Variants in HYDIN observed in about 807,000 individuals in gnomAD.
HYDIN encodes the protein HYDIN axonemal central pair apparatus protein, also known as axonemal central pair apparatus protein HYDIN.
A neutral mutation model predicts 403.9 loss-of-function variants in HYDIN; 132 were observed. The ratio of observed to expected loss-of-function variants is 0.33; its 90% CI spans 0.28 to 0.38. The LOEUF (loss-of-function observed/expected upper bound fraction) is 0.38, where lower values mean the gene tolerates loss of function less well. HYDIN is among the 10% of genes least tolerant of loss of function. The pLI, the probability that HYDIN is intolerant of heterozygous loss-of-function variation, is 1.00. For missense variants in HYDIN, 2,827 were observed against 5,009.5 expected (o/e 0.56, Z 13.15); for synonymous variants, 1,202 against 1,891.7 (o/e 0.64, Z 9.46).
chr16:70,893,507 C>T (rs2041597591), intron 55 of HYDIN: 1 of 150,370 alleles, frequency 6.7e-6, no homozygotes, highest in Non-Finnish European at 1.5e-5. Flanking sequence ...GTTACTTTTT[C>T]TTTTCTTTTC....
At chr16:70,934,274 G>A (rs1350047050) in intron 45 of HYDIN, among the ~76,000 whole-genome samples, 1 of 152,104 alleles carries the variant, frequency 6.6e-6, no homozygotes, top group Non-Finnish European at 1.5e-5. Flanking sequence ...GTGGAGACAA[G>A]CATGAAGGGA....
intron 23 of HYDIN, among the ~76,000 whole-genome samples, chr16:71,011,851 C>T (rs1011524549): frequency 1.3e-4 from 19 of 151,346 alleles, no homozygotes; most frequent in Non-Finnish European, 2.2e-4. Flanking sequence ...TTCCAATCTC[C>T]ATATTGGCTG....
chr16:71,230,599 A>C lies in HYDIN; in HGVS notation c.-61T>G. On this transcript the variant is annotated 5_prime_UTR_variant, in exon 1 of 86. It removes an upstream start codon present in the reference 5' UTR. Coordinates refer to ENST00000393567, the MANE Select transcript of HYDIN (RefSeq NM_001270974.2). The stretch of plus-strand genomic sequence containing the variant: ...CGGGTCCCACGTTTATTCTACCTCC[A>C]TTCCCCGCCAAGACCCCGCGTCCAA... 1 of 1,535,864 alleles carries C rather than the reference A, an allele frequency of 6.5e-7. No individual in the cohort carries two copies. Among genetic ancestry groups the C allele is most frequent in the Non-Finnish European group, 8.7e-7 (1 of 1,146,820 alleles).
intron 36 of HYDIN, among the ~76,000 whole-genome samples, chr16:70,965,568 G>A (rs1053827863): frequency 1.3e-5 from 2 of 152,182 alleles, no homozygotes; most frequent in African/African-American, 2.4e-5. Context: ...CAATCCTAGT[G>A]TGTATGTGTA....
intron 13 of HYDIN, among the ~76,000 whole-genome samples, chr16:71,074,723 AAAAAAG>A (rs1313394000): frequency 6.6e-6 from 1 of 151,210 alleles, no homozygotes; most frequent in East Asian, 1.9e-4. Context: ...AAAAAAAAAA[AAAAAAG>A]AAAAGAAAGT....
At chr16:70,978,803 C>T in intron 30 of HYDIN, 111 bp downstream of exon 30, 3 of 818,830 alleles carry the variant, frequency 3.7e-6, no homozygotes, top group East Asian at 2.6e-5. Context: ...TGCCCTTCTG[C>T]ACACACACCC....
At chr16:71,039,118 G>C (rs1395438450) in intron 18 of HYDIN, among the ~76,000 whole-genome samples, 1 of 151,678 alleles carries the variant, frequency 6.6e-6, no homozygotes, top group Non-Finnish European at 1.5e-5. Context: ...GGGCTTGAGA[G>C]TCTCATGACC....
At chr16:71,041,500 A>G (rs1466388544) in intron 18 of HYDIN, among the ~76,000 whole-genome samples, 3 of 152,164 alleles carry the variant, frequency 2.0e-5, no homozygotes, top group African/African-American at 7.2e-5. Context: ...CAACTGTGGT[A>G]GAGTCAAATG....
chr16:71,144,698 C>T (rs1366053985), intron 7 of HYDIN, among the ~76,000 whole-genome samples: 1 of 151,624 alleles, frequency 6.6e-6, no homozygotes, highest in Non-Finnish European at 1.5e-5. Flanking sequence ...TGCTAGAGCA[C>T]TGGTTCAAAC....
At chr16:71,023,215 T>C (rs1396450433) in intron 21 of HYDIN, among the ~76,000 whole-genome samples, 5 of 151,614 alleles carry the variant, frequency 3.3e-5, no homozygotes, top group Non-Finnish European at 7.4e-5. Flanking sequence ...ATTTTCCTTT[T>C]ACATGTCTCA....
Position 70,902,821 on chromosome 16 carries a change from A to ATATTTTTTTTTTTTTTTTTTT in HYDIN, c.8849+803_8849+804insAAAAAAAAAAAAAAAAAAATA. 1.5e-4 allele frequency among the ~76,000 whole-genome samples: 7 copies of ATATTTTTTTTTTTTTTTTTTT among 47,306 alleles called. No individual in the cohort carries two copies. In the East Asian group the frequency reaches 2.2e-3, roughly 15 times the overall value. The allele number at this position is 47,306 out of a possible 152,430, so 31.0% of individuals were successfully genotyped here. A position where few individuals can be genotyped will look rare whatever the true frequency, so the allele number is the denominator to read the frequency against. On this transcript the variant is annotated intron_variant, in intron 52 of 85. Transcript: ENST00000393567. ...TATATATATATATATATATATATAT[A>ATATTTTTTTTTTTTTTTTTTT]TTTTTTTTTTTTTTTTTGTCCCACT...
chr16:70,809,481 T>C (rs984934697), intron 85 of HYDIN, among the ~76,000 whole-genome samples: 22 of 152,214 alleles, frequency 1.4e-4, no homozygotes, highest in Non-Finnish European at 3.2e-4. Flanking sequence ...CCATGACTAC[T>C]AAGCTATACT....
At chr16:70,916,891 C>T (rs1247557292) in intron 47 of HYDIN, among the ~76,000 whole-genome samples, 1 of 150,968 alleles carries the variant, frequency 6.6e-6, no homozygotes, top group Non-Finnish European at 1.5e-5. Context: ...TTCTTTCTTT[C>T]TTTCCCCTCT....
At chr16:71,171,738 G>A (rs1249958596) in intron 5 of HYDIN, among the ~76,000 whole-genome samples, 1 of 152,204 alleles carries the variant, frequency 6.6e-6, no homozygotes, top group Admixed American at 6.5e-5. Context: ...TGACAAAGAA[G>A]AAAGTTAATA....
At chr16:70,922,941 A>AT (rs1464743561) in intron 45 of HYDIN, among the ~76,000 whole-genome samples, 2 of 150,880 alleles carry the variant, frequency 1.3e-5, no homozygotes, top group African/African-American at 2.4e-5. Context: ...CTAATTTTTA[A>AT]TTTTTTTGTA....
chr16:70,965,291 G>A (rs374135736), intron 36 of HYDIN, among the ~76,000 whole-genome samples: 1 of 152,040 alleles, frequency 6.6e-6, no homozygotes, highest in Non-Finnish European at 1.5e-5. Context: ...AAGCAAGGGT[G>A]TGGTCTCATA....
rs2036816476 is a variant in HYDIN, at chr16:70,829,502, G to A, written c.14112+116C>T. 7.8e-6 allele frequency: 6 copies of A among 764,852 alleles called. No homozygotes were observed. In the Admixed American group the frequency reaches 1.1e-4, roughly 14 times the overall value. 47.4% of individuals were successfully genotyped at this position (764,852 alleles called of 1,614,324 possible). A position where few individuals can be genotyped will look rare whatever the true frequency, so the allele number is the denominator to read the frequency against. On this transcript the variant is annotated intron_variant, in intron 81 of 85. Coordinates refer to ENST00000393567, the MANE Select transcript of HYDIN (RefSeq NM_001270974.2). ...ACCCTCCTCAGCCTCCCAAAGTGCT[G>A]GGATTACAGGCATGAGCCACCACGC... is the stretch of plus-strand genomic sequence containing the variant.
At chr16:70,888,658 C>A (rs1597230544) in intron 58 of HYDIN, among the ~76,000 whole-genome samples, 1 of 151,896 alleles carries the variant, frequency 6.6e-6, no homozygotes, top group Non-Finnish European at 1.5e-5. Context: ...CCACAAACAG[C>A]ACAGGAGGTG....
rs369323007 is a variant in HYDIN, at chr16:70,837,913, C to T, written c.13044-25G>A. On this transcript the variant is annotated intron_variant, in intron 76 of 85. Coordinates refer to ENST00000393567, the MANE Select transcript of HYDIN (RefSeq NM_001270974.2). ...GCTGCAGAAAATCAAGAGGAAGAGG[C>T]GTAAGCTCCAAGAAGTCTGACCCAG... 4.5e-5 allele frequency: 72 copies of T among 1,602,734 alleles called. 1 individual carries two copies. The South Asian group carries it at 5.2e-4, about 12-fold the overall frequency.
Sources: allele counts gnomAD v4.1 joint callset (sites outside exome capture counted in the v4.1 genomes callset), GRCh38; gene constraint gnomAD v4.1.1; transcripts MANE v1.5; gene names NCBI Gene and HGNC (gene_info 2026-07-23, HGNC 2026-07-21).